The following PAPPA variants were observed in gnomAD, a reference collection of about 807,000 sequenced individuals.
The protein encoded by PAPPA is pappalysin 1, also known as pappalysin-1.
Under a neutral mutation model 164.0 loss-of-function variants are expected in PAPPA, and 60 were observed. That is an observed-to-expected ratio of 0.37 (90% CI 0.30 to 0.45). PAPPA has a LOEUF of 0.45. Among genes scored for constraint, PAPPA ranks in the 20% least tolerant of loss-of-function variants. PAPPA has a pLI of 1.00. For missense variants in PAPPA, 1,782 were observed against 2,087.3 expected (o/e 0.85, Z 2.85); for synonymous variants, 875 against 814.1 (o/e 1.07, Z -1.27).
chr9:116,308,099 C>T (rs1454063527), intron 10 of PAPPA, among the ~76,000 whole-genome samples: 4 of 152,224 alleles, frequency 2.6e-5, no homozygotes, highest in Non-Finnish European at 5.9e-5. Flanking sequence ...AACACAGTTG[C>T]GTCAGCAAAC....
chr9:116,159,416 T>TTGCTGCTA (rs1280327165), intron 1 of PAPPA, among the ~76,000 whole-genome samples: 1 of 151,864 alleles, frequency 6.6e-6, no homozygotes, highest in African/African-American at 2.4e-5. Context: ...TGCTGGGGAG[T>TTGCTGCTA]CTCTCTAGAG....
chr9:116,237,033 G>A (rs1379298948), intron 7 of PAPPA, among the ~76,000 whole-genome samples: 1 of 152,154 alleles, frequency 6.6e-6, no homozygotes, highest in South Asian at 2.1e-4. Context: ...TCTTTATTTG[G>A]TTCTAAAATG....
At position 116,400,643 on chromosome 9, in the gene PAPPA, CTGAG is replaced by C. The variant is rs796661114; in HGVS notation, c.*4033_*4036del. The C allele has an allele frequency of 5.3e-5, 8 of 152,296 alleles. No individual in the cohort carries two copies. Among genetic ancestry groups the C allele is most frequent in the African/African-American group, 1.4e-4 (6 of 41,566 alleles). 9.4% of individuals were successfully genotyped at this position (152,296 alleles called of 1,614,324 possible). A position where few individuals can be genotyped will look rare whatever the true frequency, so the allele number is the denominator to read the frequency against. On this transcript the variant is annotated 3_prime_UTR_variant, in exon 22 of 22. Transcript: ENST00000328252. ...GCTACATGACAGACAGGTAATCCCA[CTGAG>C]TGAGTTTTGAGAAACAAATCAAACG...
chr9:116,288,441 CCCTCCCTT>C (rs1308547433), intron 9 of PAPPA, among the ~76,000 whole-genome samples: 140 of 136,116 alleles, frequency 1.0e-3, no homozygotes, highest in Non-Finnish European at 1.8e-3. Context: ...CTCCCTCCCT[CCCTCCCTT>C]CCTTCCTTCC....
intron 7 of PAPPA, among the ~76,000 whole-genome samples, chr9:116,251,610 A>AAT (rs2118780889): frequency 6.6e-6 from 1 of 152,286 alleles, no homozygotes; most frequent in South Asian, 2.1e-4. Context: ...CACACTCTGC[A>AAT]GCATGCCTGT....
At chr9:116,204,662 C>T (rs536448414) in intron 2 of PAPPA, among the ~76,000 whole-genome samples, 7 of 152,134 alleles carry the variant, frequency 4.6e-5, no homozygotes, top group South Asian at 4.1e-4. Flanking sequence ...GCATTCCTGC[C>T]GCCTTGGCTG....
intron 9 of PAPPA, among the ~76,000 whole-genome samples, chr9:116,293,421 GAT>G (rs1845461284): frequency 6.6e-6 from 1 of 152,214 alleles, no homozygotes; most frequent in Admixed American, 6.5e-5. Flanking sequence ...AAAAGTGAGA[GAT>G]GTCATGGAGC....
In PAPPA at chr9:116,275,880, G is replaced by A. The variant is rs144090672; in HGVS notation, c.2953+4464G>A. On this transcript the variant is annotated intron_variant, in intron 9 of 21. Transcript: ENST00000328252. ...CCGGAAGTATTCCCAAGGTGCCAGT[G>A]TGTTATTATGCAACACCCTGGGGAC... is the stretch of plus-strand genomic sequence containing the variant. 2.2e-3 allele frequency among the ~76,000 whole-genome samples: 335 copies of A among 152,214 alleles called. 4 individuals are homozygous for A. The highest frequency in any genetic ancestry group is 2.9e-3 in the Non-Finnish European group (197 of 68,016).
chr9:116,377,354 G>A (rs886699149), intron 19 of PAPPA, among the ~76,000 whole-genome samples: 1 of 152,044 alleles, frequency 6.6e-6, no homozygotes, highest in Non-Finnish European at 1.5e-5. Flanking sequence ...TTCCTGCCAG[G>A]GAAATACAGA....
intron 1 of PAPPA, among the ~76,000 whole-genome samples, chr9:116,167,659 G>A (rs1843732383): frequency 6.6e-6 from 1 of 152,112 alleles, no homozygotes; most frequent in African/African-American, 2.4e-5. Flanking sequence ...AGTGAATATG[G>A]GGTTTTGAAT....
At chr9:116,175,002 A>C (rs187946105) in intron 1 of PAPPA, among the ~76,000 whole-genome samples, 2 of 152,310 alleles carry the variant, frequency 1.3e-5, no homozygotes, top group East Asian at 3.9e-4. Flanking sequence ...ATCTTCTTTC[A>C]CAAATAAGAA....
At chr9:116,262,107 C>A (rs546488077) in intron 7 of PAPPA, among the ~76,000 whole-genome samples, 1 of 150,846 alleles carries the variant, frequency 6.6e-6, no homozygotes, top group Non-Finnish European at 1.5e-5. Flanking sequence ...CCCAGCTACT[C>A]GGGAGGCTGA....
intron 9 of PAPPA, among the ~76,000 whole-genome samples, chr9:116,298,374 C>T (rs1022394738): frequency 6.6e-6 from 1 of 152,226 alleles, no homozygotes; most frequent in African/African-American, 2.4e-5. Context: ...AGAAGACAGA[C>T]TTTGCTAATG....
At chr9:116,354,002 T>A (rs1224329994) in intron 17 of PAPPA, among the ~76,000 whole-genome samples, 1 of 152,154 alleles carries the variant, frequency 6.6e-6, no homozygotes, top group Non-Finnish European at 1.5e-5. Context: ...AAATCATACA[T>A]GGAATCCCAA....
intron 1 of PAPPA, among the ~76,000 whole-genome samples, chr9:116,178,756 C>T (rs1843866491): frequency 6.6e-6 from 1 of 152,192 alleles, no homozygotes; most frequent in Non-Finnish European, 1.5e-5. Context: ...TGTATCATCC[C>T]CATTTTACAG....
chr9:116,316,156 G>C (rs1845785431), intron 10 of PAPPA, among the ~76,000 whole-genome samples: 1 of 152,140 alleles, frequency 6.6e-6, no homozygotes, highest in South Asian at 2.1e-4. Flanking sequence ...TAGTGAGTAG[G>C]GTGTATCTAA....
chr9:116,320,739 G>GTGTGTA (rs1426986855), intron 10 of PAPPA, among the ~76,000 whole-genome samples: 1 of 152,226 alleles, frequency 6.6e-6, no homozygotes, highest in South Asian at 2.1e-4. Context: ...AAGGAAGTGT[G>GTGTGTA]TGTGTATGTG....
Position 116,321,992 on chromosome 9 carries a change from G to A in PAPPA, c.3148-9252G>A, listed in dbSNP as rs1007937742. 1.1e-4 allele frequency among the ~76,000 whole-genome samples: 17 copies of A among 152,178 alleles called. 1 individual carries two copies. The South Asian group carries it at 2.7e-3, about 24-fold the overall frequency. ...CGAGCATGAGTTTGACTGCTAAGCC[G>A]TGGCAGGCTGATCAATGCCTACCCA... is the stretch of plus-strand genomic sequence containing the variant. On this transcript the variant is annotated intron_variant, in intron 10 of 21. Coordinates refer to ENST00000328252, the MANE Select transcript of PAPPA (RefSeq NM_002581.5).
intron 3 of PAPPA, among the ~76,000 whole-genome samples, chr9:116,210,441 A>C (rs1015975789): frequency 6.6e-6 from 1 of 152,160 alleles, no homozygotes; most frequent in Admixed American, 6.5e-5. Context: ...TGCCAGCTCA[A>C]ATCAACAAGA....
Sources: gnomAD v4.1 joint callset for allele counts (sites outside exome capture counted in the v4.1 genomes callset) on GRCh38, gnomAD v4.1.1 for gene constraint, MANE v1.5 for transcripts, NCBI Gene and HGNC (gene_info 2026-07-23, HGNC 2026-07-21) for gene names.